The following DCHS1 variants were observed in gnomAD, a reference collection of about 807,000 sequenced individuals.
DCHS1 encodes dachsous cadherin-related 1, also known as protocadherin-16.
A neutral mutation model predicts 213.9 loss-of-function variants in DCHS1; 78 were observed. That is an observed-to-expected ratio of 0.36 (90% CI 0.30 to 0.44). The LOEUF (loss-of-function observed/expected upper bound fraction) is 0.44. Among genes scored for constraint, DCHS1 ranks in the 20% least tolerant of loss-of-function variants. The pLI is 1.00. For missense variants in DCHS1, 3,946 were observed against 4,395.9 expected, an observed-to-expected ratio of 0.90 and a Z score of 2.89; for synonymous variants, 1,828 against 1,873.7, an observed-to-expected ratio of 0.98 and a Z score of 0.63.
rs1170881832 is a variant in DCHS1, at chr11:6,622,554, TCCTCTGCAG to T, written c.9113_9121del (p.Ala3038_Glu3040del). ...CTCATTGATCATGCGGATCTCATCA[TCCTCTGCAG>T]CCTCTGCTGATCCTCGGCCACTTGA... On this transcript the variant is annotated inframe_deletion, in exon 21 of 21. Coordinates refer to ENST00000299441, the MANE Select transcript of DCHS1 (RefSeq NM_003737.4). The surrounding 1 kb of genome is among the most constrained non-coding windows in gnomAD (Gnocchi z 5.4). The T allele has an allele frequency of 3.2e-6, 5 of 1,581,364 alleles. No individual in the cohort carries two copies. The highest frequency in any genetic ancestry group is 1.2e-5 in the South Asian group (1 of 86,264).
chr11:6,626,059 G>A lies in DCHS1; in HGVS notation c.6592C>T (p.Leu2198=). 2 of 1,610,926 alleles carry A rather than the reference G, an allele frequency of 1.2e-6. No homozygotes were observed. Among genetic ancestry groups the A allele is most frequent in the South Asian group, 1.1e-5 (1 of 90,350 alleles). Residue 2198 remains leucine, a synonymous_variant, in exon 17 of 21, where the codon CTG becomes TTG. Coordinates refer to ENST00000299441, the MANE Select transcript of DCHS1 (RefSeq NM_003737.4). The surrounding 1 kb of genome is among the most constrained non-coding windows in gnomAD (Gnocchi z 5.2). ...GPLLQVEADD[L]DQGSGGQISY... is the part of the protein sequence containing the mutation. ...ATCTGTCCTCCAGAGCCTTGATCCA[G>A]GTCATCCGCCTCCACCTGGTGAGGG...
At position 6,640,305 on chromosome 11, in the gene DCHS1, C is replaced by A. The variant is rs1468339490; in HGVS notation, c.1309G>T (p.Ala437Ser). The A allele has an allele frequency of 1.2e-6, 2 of 1,607,470 alleles. No individual in the cohort carries two copies. Among genetic ancestry groups the A allele is most frequent in the South Asian group, 1.1e-5 (1 of 90,134 alleles). ...GTGGCTGTAACCCTCAAGTTATAGG[C>A]ATCCCTCTCCTCTCGATCCAGCCGC... is the stretch of plus-strand genomic sequence containing the variant. ...ARRLDREERD[A>S]YNLRVTATDS... is the part of the protein sequence containing the mutation. The change falls in exon 2 of 21, where the codon GCC (alanine) becomes TCC (serine). Residue 437 changes from alanine (A) to serine (S), a missense_variant. Transcript: ENST00000299441. The surrounding 1 kb of genome is among the most constrained non-coding windows in gnomAD (Gnocchi z 6.5).
Position 6,634,176 on chromosome 11 carries a change from G to T in DCHS1, c.1928C>A (p.Thr643Asn). The stretch of plus-strand genomic sequence containing the variant: ...TGAGGGCCCCTGGTCACGGTCCAGG[G>T]TCCGGGTTGTGCACACATCACCGCT... ...AHSGDVCTTR[T>N]LDRDQGPSSF... The change falls in exon 3 of 21, where the codon ACC becomes AAC. Residue 643 changes from threonine to asparagine, a missense_variant. Physicochemically the swap from Thr to Asn is moderately conservative, Grantham distance 65 (BLOSUM62 0). Coordinates refer to ENST00000299441, the MANE Select transcript of DCHS1 (RefSeq NM_003737.4). The T allele has an allele frequency of 6.2e-7, 1 of 1,613,644 alleles. No homozygotes were observed. Among genetic ancestry groups the T allele is most frequent in the Non-Finnish European group, 8.5e-7 (1 of 1,179,644 alleles).
Position 6,630,473 on chromosome 11 carries a change from G to A in DCHS1, c.4321C>T (p.Leu1441=). 6.5e-7 allele frequency: 1 copy of A among 1,530,078 alleles called. No individual in the cohort carries two copies. The highest frequency in any genetic ancestry group is 8.7e-7 in the Non-Finnish European group (1 of 1,144,630). The allele number at this position is 1,530,078 out of a possible 1,614,324, so 94.8% of individuals were successfully genotyped here. A position where few individuals can be genotyped will look rare whatever the true frequency, so the allele number is the denominator to read the frequency against. The change falls in exon 10 of 21, where the codon CTG becomes TTG. Residue 1441 remains leucine (L), a synonymous_variant. Coordinates refer to ENST00000299441, the MANE Select transcript of DCHS1 (RefSeq NM_003737.4). The stretch of plus-strand genomic sequence containing the variant: ...GGGTTCTCTGGCAGCGCCAGCGCCA[G>A]CGGGTCGCGCGCAAAGGCGGGCGCA... ...EHAPAFARDP[L]ALALPENPEP...
Position 6,634,317 on chromosome 11 carries a change from G to A in DCHS1, c.1798-11C>T, listed in dbSNP as rs1439846737. 3 of 1,576,156 alleles carry A rather than the reference G, an allele frequency of 1.9e-6. No homozygotes were observed. In the South Asian group the frequency reaches 3.5e-5, roughly 18 times the overall value. ...GTCTGTGGCTGTCACCTAGGGAGAG[G>A]CTGGGGTGAGTGGTGTCCCCTCTTC... On this transcript the variant is annotated splice_polypyrimidine_tract_variant and intron_variant, in intron 2 of 20. Coordinates refer to ENST00000299441, the MANE Select transcript of DCHS1 (RefSeq NM_003737.4).
At position 6,641,823 on chromosome 11, in the gene DCHS1, G is replaced by A; in HGVS notation, c.-120-90C>T. 8.9e-7 allele frequency: 1 copy of A among 1,125,306 alleles called. No homozygotes were observed. The highest frequency in any genetic ancestry group is 1.2e-6 in the Non-Finnish European group (1 of 823,604). 69.7% of individuals were successfully genotyped at this position (1,125,306 alleles called of 1,614,324 possible). ...CGAGGCCACATCAACATTCAGATATGCTCAGCCCCCAGCAGGCCCTTGTGC... is the reference window on the plus strand; with the variant it reads ...CGAGGCCACATCAACATTCAGATATACTCAGCCCCCAGCAGGCCCTTGTGC... On this transcript the variant is annotated intron_variant, in intron 1 of 20. Coordinates refer to ENST00000299441, the MANE Select transcript of DCHS1 (RefSeq NM_003737.4). This position sits in a 1 kb window ranked among gnomAD's most constrained non-coding sequence, Gnocchi z 7.1.
At chr11:6,630,904 C>T (rs755241425) in intron 9 of DCHS1, 41 bp from the exon 10 acceptor site, 1 of 1,495,958 alleles carries the variant, frequency 6.7e-7, no homozygotes, top group Non-Finnish European at 8.9e-7. Flanking sequence ...TGTGAGGGCC[C>T]GTGTAAAAGG....
chr11:6,647,452 C>T (rs539571231), intron 1 of DCHS1, among the ~76,000 whole-genome samples: 4 of 152,246 alleles, frequency 2.6e-5, no homozygotes, highest in South Asian at 2.1e-4. Context: ...GAGCAGTGCC[C>T]GGGCCTGGCT....
Position 6,633,543 on chromosome 11 carries a change from C to A in DCHS1, c.2324G>T (p.Arg775Leu), listed in dbSNP as rs763868169. 1.9e-6 allele frequency: 3 copies of A among 1,588,438 alleles called. No homozygotes were observed. Among genetic ancestry groups the A allele is most frequent in the Admixed American group, 3.6e-5 (2 of 56,058 alleles). Residue 775 changes from arginine (R) to leucine (L), a missense_variant, in exon 5 of 21, where the codon CGA becomes CTA. Coordinates refer to ENST00000299441, the MANE Select transcript of DCHS1 (RefSeq NM_003737.4). ...GGGLQAEPSA[R>L]VDISIVPGTP... is the part of the protein sequence containing the mutation. ...TCCAGGCACAATGCTGATGTCCACT[C>A]GGGCACTGGGTTCTGCCTGTAGGCC...
chr11:6,624,558 C>A (rs1391231357), intron 20 of DCHS1, among the ~76,000 whole-genome samples, 168 bp from the exon 21 acceptor site: 1 of 152,178 alleles, frequency 6.6e-6, no homozygotes, highest in African/African-American at 2.4e-5. Flanking sequence ...TAGGGAACAG[C>A]TTCTAGACAT....
Position 6,641,079 on chromosome 11 carries a change from C to T in DCHS1, c.535G>A (p.Gly179Ser), listed in dbSNP as rs1856066258. 5 of 1,614,016 alleles carry T rather than the reference C, an allele frequency of 3.1e-6. No homozygotes were observed. Among genetic ancestry groups the T allele is most frequent in the Non-Finnish European group, 4.2e-6 (5 of 1,179,896 alleles). Residue 179 changes from glycine to serine, a missense_variant, in exon 2 of 21, where the codon GGC becomes AGC. This residue lies in a region of DCHS1 where 3,384 missense variants were observed against 3,780.1 expected (regional missense o/e 0.90). Coordinates refer to ENST00000299441, the MANE Select transcript of DCHS1 (RefSeq NM_003737.4). The surrounding 1 kb of genome is among the most constrained non-coding windows in gnomAD (Gnocchi z 7.1). Reference sequence around the variant, plus strand: ...GCCCCATCACCAGATAGCGCATAGCCCTGGGTTCCCAGACGCCCAGCATCT... The same window carrying T: ...GCCCCATCACCAGATAGCGCATAGCTCTGGGTTCCCAGACGCCCAGCATCT... ...DADAGRLGTQ[G>S]YALSGDGAGE...
At position 6,625,783 on chromosome 11, in the gene DCHS1, C is replaced by T; in HGVS notation, c.6732-56G>A. On this transcript the variant is annotated intron_variant, in intron 17 of 20. Coordinates refer to ENST00000299441, the MANE Select transcript of DCHS1 (RefSeq NM_003737.4). This position sits in a 1 kb window ranked among gnomAD's most constrained non-coding sequence, Gnocchi z 5.3. ...CATGGCAATAAGGGGGAACTCTGGG[C>T]AGGGCCAGGAGGACTCAGGACAGAG... 6.3e-7 allele frequency: 1 copy of T among 1,586,428 alleles called. No homozygotes were observed. Among genetic ancestry groups the T allele is most frequent in the African/African-American group, 1.4e-5 (1 of 74,036 alleles).
At chr11:6,642,173 T>C (rs1396303145) in intron 1 of DCHS1, among the ~76,000 whole-genome samples, 1 of 152,022 alleles carries the variant, frequency 6.6e-6, no homozygotes, top group African/African-American at 2.4e-5. Context: ...TGCTCAAGTC[T>C]CTCTCTCTCT....
In DCHS1 at chr11:6,627,050, C is replaced by T. The variant is rs774304688; in HGVS notation, c.5989G>A (p.Ala1997Thr). The T allele has an allele frequency of 1.2e-6, 2 of 1,613,590 alleles. No individual in the cohort carries two copies. Among genetic ancestry groups the T allele is most frequent in the Admixed American group, 3.3e-5 (2 of 60,026 alleles). Residue 1997 changes from alanine (A) to threonine (T), a missense_variant, in exon 14 of 21, where the codon GCT (alanine) becomes ACT (threonine). Physicochemically the swap from Ala to Thr is moderately conservative, Grantham distance 58. Coordinates refer to ENST00000299441, the MANE Select transcript of DCHS1 (RefSeq NM_003737.4). This position sits in a 1 kb window ranked among gnomAD's most constrained non-coding sequence, Gnocchi z 5.4. ...RAEDRDAGAN[A>T]SILYRLAGTP... ...CCTGCCAGCCGGTACAGAATGGAAGCATTGGCACCAGCATCACGATCTTCA... is the reference window on the plus strand; with the variant it reads ...CCTGCCAGCCGGTACAGAATGGAAGTATTGGCACCAGCATCACGATCTTCA...
In DCHS1 at chr11:6,628,697, G is replaced by C. The variant is rs144204375; in HGVS notation, c.5295C>G (p.Asp1765Glu). ...HLSLEVPEGQ[D>E]PQTLTMLRAS... ...CCCGAAGCATGGTAAGGGTCTGGGG[G>C]TCCTGGCCCTCAGGCACCTCCAGAG... The change falls in exon 13 of 21, where the codon GAC (aspartate) becomes GAG (glutamate). Residue 1765 changes from aspartate (D) to glutamate (E), a missense_variant. Physicochemically the swap from Asp to Glu is conservative, Grantham distance 45. Transcript: ENST00000299441. The surrounding 1 kb of genome is among the most constrained non-coding windows in gnomAD (Gnocchi z 4.3). The C allele has an allele frequency of 4.8e-5, 78 of 1,614,044 alleles. 1 individual carries two copies. In the South Asian group the frequency reaches 6.7e-4, roughly 14 times the overall value.
At position 6,640,966 on chromosome 11, in the gene DCHS1, C is replaced by T; in HGVS notation, c.648G>A (p.Glu216=). 1 of 1,614,050 alleles carries T rather than the reference C, an allele frequency of 6.2e-7. No individual in the cohort carries two copies. Among genetic ancestry groups the T allele is most frequent in the East Asian group, 2.2e-5 (1 of 44,884 alleles). Residue 216 remains glutamate (E), a synonymous_variant, in exon 2 of 21, where the codon GAG becomes GAA. Coordinates refer to ENST00000299441, the MANE Select transcript of DCHS1 (RefSeq NM_003737.4). This position sits in a 1 kb window ranked among gnomAD's most constrained non-coding sequence, Gnocchi z 6.5. ...ELVVTGELDR[E]NRSHYMLQLE... ...GCTGTAGCATATAGTGTGAGCGGTT[C>T]TCTCGGTCCAGTTCCCCAGTAACTA...
chr11:6,628,701 T>G lies in DCHS1; in HGVS notation c.5291A>C (p.Gln1764Pro). The G allele has an allele frequency of 6.2e-7, 1 of 1,614,032 alleles. No individual in the cohort carries two copies. Among genetic ancestry groups the G allele is most frequent in the Non-Finnish European group, 8.5e-7 (1 of 1,179,900 alleles). Residue 1764 changes from glutamine to proline, a missense_variant, in exon 13 of 21, where the codon CAG becomes CCG. Physicochemically the swap from Gln to Pro is moderately conservative, Grantham distance 76. This residue lies in a region of DCHS1 where 3,384 missense variants were observed against 3,780.1 expected (regional missense o/e 0.90). Transcript: ENST00000299441. This position sits in a 1 kb window ranked among gnomAD's most constrained non-coding sequence, Gnocchi z 4.3. Reference protein sequence around the residue: ...AHLSLEVPEGQDPQTLTMLRA... With the variant: ...AHLSLEVPEGPDPQTLTMLRA... ...AAGCATGGTAAGGGTCTGGGGGTCC[T>G]GGCCCTCAGGCACCTCCAGAGAGAG...
chr11:6,655,559 T>A lies in DCHS1; in HGVS notation c.-121+4A>T, dbSNP rs1856303671. 1.0e-6 allele frequency: 1 copy of A among 980,286 alleles called. No homozygotes were observed. The highest frequency in any genetic ancestry group is 1.2e-6 in the Non-Finnish European group (1 of 828,136). The allele number at this position is 980,286 out of a possible 1,614,324, so 60.7% of individuals were successfully genotyped here. ...AGACGGGCCGGGCGGGCGCGGGCAC[T>A]GACCTCCGCGCGACGCGGGCTCCCT... On this transcript the variant is annotated splice_donor_region_variant and intron_variant, in intron 1 of 20. Transcript: ENST00000299441.
In DCHS1 at chr11:6,633,038, G is replaced by T; in HGVS notation, c.2474C>A (p.Thr825Asn). The part of the protein sequence containing the change: ...HNPPGRLAPV[T>N]LSLSGGDPRG... ...GGGATCCCCACCTGATAGGGAAAGG[G>T]TCACAGGTGCCAAGCGACCTAGGGA... Residue 825 changes from threonine (T) to asparagine (N), a missense_variant, in exon 6 of 21, where the codon ACC (threonine) becomes AAC (asparagine). Around this residue, in one of 3 missense-constraint regions of DCHS1, gnomAD observed 3,384 missense variants for 3,780.1 expected, o/e 0.90. Coordinates refer to ENST00000299441, the MANE Select transcript of DCHS1 (RefSeq NM_003737.4). The T allele has an allele frequency of 6.2e-7, 1 of 1,607,010 alleles. No individual in the cohort carries two copies. Among genetic ancestry groups the T allele is most frequent in the Non-Finnish European group, 8.5e-7 (1 of 1,174,568 alleles).
Sources: allele counts gnomAD v4.1 joint callset (sites outside exome capture counted in the v4.1 genomes callset), GRCh38; gene constraint gnomAD v4.1.1; regional missense constraint gnomAD v4.1.1; non-coding constraint Gnocchi (gnomAD v3.1); transcripts MANE v1.5; gene names NCBI Gene and HGNC (gene_info 2026-07-23, HGNC 2026-07-21).